CENPF: variants seen among roughly 807,000 people sequenced by gnomAD.
CENPF encodes the protein AH antigen.
CENPF carries 214 observed loss-of-function variants against 307.3 expected under a neutral mutation model. The observed-to-expected ratio is 0.70, with a 90% confidence interval of 0.62 to 0.78. CENPF has a LOEUF of 0.78. Ranked by LOEUF, CENPF falls within the 30% of genes least tolerant of loss-of-function variation. CENPF has a pLI of 0.00. For synonymous variants in CENPF, 1,259 were observed against 1,270.6 expected (o/e 0.99, Z 0.19); for missense variants, 3,401 against 3,483.9 (o/e 0.98, Z 0.60).
chr1:214,646,230 A>G lies in CENPF; in HGVS notation c.6660A>G (p.Gln2220=), dbSNP rs752703041. Residue 2220 remains glutamine, a synonymous_variant, in exon 13 of 20, where the codon CAA becomes CAG. Transcript: ENST00000366955. The stretch of plus-strand genomic sequence containing the variant: ...AAGAAAATCTGACAAAACAAATACA[A>G]GAAAAACAAGGTCAGTTGTCAGAAC... ...SEKENLTKQI[Q]EKQGQLSELD... The G allele has an allele frequency of 6.2e-7, 1 of 1,613,468 alleles. No homozygotes were observed. Among genetic ancestry groups the G allele is most frequent in the Admixed American group, 1.7e-5 (1 of 59,802 alleles).
At chr1:214,634,710 G>C (rs1657908234) in intron 10 of CENPF, among the ~76,000 whole-genome samples, 1 of 152,178 alleles carries the variant, frequency 6.6e-6, no homozygotes, top group African/African-American at 2.4e-5. Flanking sequence ...GTCACCTACA[G>C]GCACAGAAAG....
intron 1 of CENPF, among the ~76,000 whole-genome samples, chr1:214,608,054 C>T (rs1263784572): frequency 2.0e-5 from 3 of 152,228 alleles, no homozygotes; most frequent in Admixed American, 1.3e-4. Context: ...AGCCCCTTCC[C>T]GTCCTCAGGC....
chr1:214,663,289 C>T (rs954813348), intron 19 of CENPF, among the ~76,000 whole-genome samples: 4 of 152,172 alleles, frequency 2.6e-5, no homozygotes, highest in African/African-American at 7.2e-5. Context: ...TAGGAATTCA[C>T]TGGATGTGTA....
At position 214,640,626 on chromosome 1, in the gene CENPF, T is replaced by C; in HGVS notation, c.2288T>C (p.Leu763Pro). 6.2e-7 allele frequency: 1 copy of C among 1,614,164 alleles called. No individual in the cohort carries two copies. Among genetic ancestry groups the C allele is most frequent in the Non-Finnish European group, 8.5e-7 (1 of 1,180,002 alleles). ...GACTTGCATGCCGAATATGAGAGCC[T>C]CAGGGATCTGCTAAAATCCAAAGAT... Reference protein sequence around the residue: ...YQDLHAEYESLRDLLKSKDAS... With the variant: ...YQDLHAEYESPRDLLKSKDAS... The change falls in exon 12 of 20, where the codon CTC becomes CCC. Residue 763 changes from leucine (L) to proline (P), a missense_variant. Leu to Pro is a moderately conservative substitution (Grantham distance 98). Coordinates refer to ENST00000366955, the MANE Select transcript of CENPF (RefSeq NM_016343.4).
At chr1:214,656,521 C>A (rs1401947010) in intron 17 of CENPF, among the ~76,000 whole-genome samples, 2 of 152,126 alleles carry the variant, frequency 1.3e-5, no homozygotes, top group East Asian at 3.8e-4. Flanking sequence ...TCTTGTCTCC[C>A]AAAGCCATAC....
chr1:214,613,616 A>C, intron 1 of CENPF, 98 bp from the exon 2 acceptor site: 1 of 854,710 alleles, frequency 1.2e-6, no homozygotes, highest in South Asian at 2.0e-5. Flanking sequence ...TGTGGTCTTG[A>C]AACTTGATTT....
intron 7 of CENPF, among the ~76,000 whole-genome samples, chr1:214,626,341 TC>T (rs1657655165): frequency 6.6e-6 from 1 of 152,176 alleles, no homozygotes. Flanking sequence ...TACTATAATG[TC>T]CAGGGTTTTT....
At position 214,603,238 on chromosome 1, in the gene CENPF, G is replaced by A. The variant is rs1376228243; in HGVS notation, c.-125G>A. ...CACCGGTGGCGGCTGCGGGCAGTTTGAATTAGACTCTGGGCTCCAGCCCGC... is the reference window on the plus strand; with the variant it reads ...CACCGGTGGCGGCTGCGGGCAGTTTAAATTAGACTCTGGGCTCCAGCCCGC... On this transcript the variant is annotated 5_prime_UTR_variant, in exon 1 of 20. Transcript: ENST00000366955. 1.3e-5 allele frequency: 2 copies of A among 152,610 alleles called. No homozygotes were observed. Among genetic ancestry groups the A allele is most frequent in the African/African-American group, 4.8e-5 (2 of 41,474 alleles). 9.5% of individuals were successfully genotyped at this position (152,610 alleles called of 1,614,324 possible).
chr1:214,659,028 G>T lies in CENPF; in HGVS notation c.9141G>T (p.Lys3047Asn). The T allele has an allele frequency of 6.2e-7, 1 of 1,613,888 alleles. No homozygotes were observed. The highest frequency in any genetic ancestry group is 1.1e-5 in the South Asian group (1 of 91,052). Reference sequence around the variant, plus strand: ...CAGCTGGTGGCAGCAGATCACAAAAGGTAAACTACTGTCAACATCCGTCTA... The same window carrying T: ...CAGCTGGTGGCAGCAGATCACAAAATGTAAACTACTGTCAACATCCGTCTA... ...KPTAGGSRSQ[K>N]VKVAQRSPVD... is the part of the protein sequence containing the mutation. The change falls in exon 19 of 20, where the codon AAG becomes AAT. Residue 3047 changes from lysine to asparagine, a missense_variant and splice_region_variant. Lys to Asn is a moderately conservative substitution (Grantham distance 94). Coordinates refer to ENST00000366955, the MANE Select transcript of CENPF (RefSeq NM_016343.4). The surrounding 1 kb of genome is among the most constrained non-coding windows in gnomAD (Gnocchi z 4.4).
chr1:214,633,388 A>G (rs528619392), intron 10 of CENPF, among the ~76,000 whole-genome samples: 188 of 152,356 alleles, frequency 1.2e-3, no homozygotes, highest in African/African-American at 4.4e-3. Context: ...AGACTGAAAC[A>G]ATTTGAAGAG....
chr1:214,617,708 C>T (rs1383970170), intron 3 of CENPF, among the ~76,000 whole-genome samples: 1 of 152,012 alleles, frequency 6.6e-6, no homozygotes, highest in Non-Finnish European at 1.5e-5. Context: ...ATCTGTATAT[C>T]AAGTCTATGT....
In CENPF at chr1:214,641,380, A is replaced by T. The variant is rs1456684992; in HGVS notation, c.3042A>T (p.Leu1014Phe). Reference sequence around the variant, plus strand: ...AAAGGGAGAAAAGCATTTCAGAGTTATCTGATCAGTACAAGCAAGAAAAAC... The same window carrying T: ...AAAGGGAGAAAAGCATTTCAGAGTTTTCTGATCAGTACAAGCAAGAAAAAC... The part of the protein sequence containing the change: ...IDEREKSISE[L>F]SDQYKQEKLI... Residue 1014 changes from leucine (L) to phenylalanine (F), a missense_variant, in exon 12 of 20, where the codon TTA becomes TTT. Coordinates refer to ENST00000366955, the MANE Select transcript of CENPF (RefSeq NM_016343.4). 1.2e-6 allele frequency: 2 copies of T among 1,607,756 alleles called. No individual in the cohort carries two copies. The highest frequency in any genetic ancestry group is 1.3e-5 in the African/African-American group (1 of 74,502).
At chr1:214,611,076 A>G (rs990257521) in intron 1 of CENPF, among the ~76,000 whole-genome samples, 5 of 152,190 alleles carry the variant, frequency 3.3e-5, no homozygotes, top group Non-Finnish European at 7.3e-5. Context: ...TGTTTTGGTT[A>G]CTGTAGCCCT....
At chr1:214,609,284 C>A (rs959212032) in intron 1 of CENPF, among the ~76,000 whole-genome samples, 1 of 152,172 alleles carries the variant, frequency 6.6e-6, no homozygotes, top group African/African-American at 2.4e-5. Flanking sequence ...GACTTTACCA[C>A]CTTTTGCAGT....
Position 214,645,834 on chromosome 1 carries a change from T to C in CENPF, c.6264T>C (p.Asn2088=). 2 of 1,614,172 alleles carry C rather than the reference T, an allele frequency of 1.2e-6. No homozygotes were observed. The highest frequency in any genetic ancestry group is 1.7e-6 in the Non-Finnish European group (2 of 1,180,020). ...GTGAATCAGATTATGAAAAGCTGAA[T>C]GTCTCCAAGGCCTTGGAGGCCGCAC... ...RLSESDYEKL[N]VSKALEAALV... The change falls in exon 13 of 20, where the codon AAT becomes AAC. Residue 2088 remains asparagine (N), a synonymous_variant. Coordinates refer to ENST00000366955, the MANE Select transcript of CENPF (RefSeq NM_016343.4).
intron 5 of CENPF, among the ~76,000 whole-genome samples, chr1:214,620,395 A>G (rs1221633204): frequency 6.6e-6 from 1 of 152,248 alleles, no homozygotes; most frequent in Non-Finnish European, 1.5e-5. Context: ...TGCAGAATAA[A>G]TACTAAGACT....
chr1:214,606,386 C>T (rs1322984089), intron 1 of CENPF, among the ~76,000 whole-genome samples: 2 of 152,146 alleles, frequency 1.3e-5, no homozygotes, highest in Non-Finnish European at 2.9e-5. Flanking sequence ...GAGGCCCTGG[C>T]GCCTCTCCTC....
chr1:214,618,797 G>T lies in CENPF; in HGVS notation c.481+103G>T. On this transcript the variant is annotated intron_variant, in intron 4 of 19. Transcript: ENST00000366955. ...TTCAACTTTGAATTAAACTTTTAAT[G>T]TATATGTTTAAAAACTGCAGCCACT... The T allele has an allele frequency of 4.1e-6, 5 of 1,206,130 alleles. No individual in the cohort carries two copies. In the South Asian group the frequency reaches 6.3e-5, roughly 15 times the overall value. 74.7% of individuals were successfully genotyped at this position (1,206,130 alleles called of 1,614,324 possible). A position where few individuals can be genotyped will look rare whatever the true frequency, so the allele number is the denominator to read the frequency against.
intron 1 of CENPF, among the ~76,000 whole-genome samples, chr1:214,603,983 A>T (rs1285774227): frequency 2.0e-5 from 3 of 152,100 alleles, no homozygotes; most frequent in Non-Finnish European, 2.9e-5. Flanking sequence ...CATTTATTTG[A>T]ACGCGCCTGT....
Sources: gnomAD v4.1 joint callset for allele counts (sites outside exome capture counted in the v4.1 genomes callset) on GRCh38, gnomAD v4.1.1 for gene constraint, Gnocchi (gnomAD v3.1) non-coding constraint, MANE v1.5 for transcripts, NCBI Gene and HGNC (gene_info 2026-07-23, HGNC 2026-07-21) for gene names.